TBC1D5: variants seen among roughly 807,000 people sequenced by gnomAD.
TBC1D5 encodes the protein TBC1 domain family, member 5.
TBC1D5 carries 75 observed loss-of-function variants against 100.3 expected under a neutral mutation model. The ratio of observed to expected loss-of-function variants is 0.75; its 90% CI spans 0.62 to 0.91. TBC1D5 has a LOEUF of 0.91. Among genes scored for constraint, TBC1D5 ranks in the 40% least tolerant of loss-of-function variants. The pLI is 0.00. For missense variants in TBC1D5, 910 were observed against 942.4 expected, an observed-to-expected ratio of 0.97 and a Z score of 0.45; for synonymous variants, 323 against 325.6, an observed-to-expected ratio of 0.99 and a Z score of 0.09.
At chr3:17,371,553 T>C (rs776667920) in intron 13 of TBC1D5, among the ~76,000 whole-genome samples, 1 of 152,148 alleles carries the variant, frequency 6.6e-6, no homozygotes, top group Non-Finnish European at 1.5e-5. Flanking sequence ...AAAGGAATAA[T>C]ACCCAATTTA....
chr3:17,379,249 T>C (rs1037248839), intron 9 of TBC1D5, among the ~76,000 whole-genome samples: 6 of 152,052 alleles, frequency 3.9e-5, no homozygotes, highest in Non-Finnish European at 8.8e-5. Context: ...AACATCAGAT[T>C]TTCCAATCCA....
At chr3:17,507,213 T>A (rs949456382) in intron 3 of TBC1D5, among the ~76,000 whole-genome samples, 5 of 152,184 alleles carry the variant, frequency 3.3e-5, no homozygotes, top group African/African-American at 9.7e-5. Context: ...TTATGAGTAT[T>A]ACATTTAAGA....
intron 13 of TBC1D5, among the ~76,000 whole-genome samples, chr3:17,342,582 GCTGA>G (rs543897048): frequency 7.2e-5 from 11 of 152,186 alleles, no homozygotes; most frequent in South Asian, 2.1e-4. Flanking sequence ...TAATGTCAAG[GCTGA>G]CTATTAAAAT....
chr3:17,647,776 G>C (rs1000325587), intron 1 of TBC1D5, among the ~76,000 whole-genome samples: 1 of 152,132 alleles, frequency 6.6e-6, no homozygotes, highest in African/African-American at 2.4e-5. Context: ...TTAGTAGCCT[G>C]ATCTGATAAT....
At chr3:17,410,040 T>A (rs1018267766) in intron 4 of TBC1D5, among the ~76,000 whole-genome samples, 3 of 152,100 alleles carry the variant, frequency 2.0e-5, no homozygotes, top group African/African-American at 7.2e-5. Flanking sequence ...CTTTCATAGC[T>A]AGGGACGAGA....
intron 1 of TBC1D5, among the ~76,000 whole-genome samples, chr3:17,653,145 C>T (rs934744306): frequency 6.6e-6 from 1 of 151,982 alleles, no homozygotes; most frequent in Non-Finnish European, 1.5e-5. Context: ...AGTCAGAACA[C>T]AGACTGGGAG....
rs569026868 is a variant in TBC1D5, at chr3:17,182,879, A to T, written c.1852+2230T>A. Among the ~76,000 whole-genome samples, 36 of 151,474 alleles carry T rather than the reference A, an allele frequency of 2.4e-4. 1 individual carries two copies. In the East Asian group the frequency reaches 2.9e-3, roughly 12 times the overall value. ...AAGAGAATGAGTTGTGTTTTTTTTTAAATTATTATTTTCTTCTTTTCTCTT... is the reference window on the plus strand; with the variant it reads ...AAGAGAATGAGTTGTGTTTTTTTTTTAATTATTATTTTCTTCTTTTCTCTT... On this transcript the variant is annotated intron_variant, in intron 19 of 21. Coordinates refer to ENST00000253692, the Ensembl canonical transcript of TBC1D5.
intron 2 of TBC1D5, among the ~76,000 whole-genome samples, chr3:17,525,288 C>A (rs370012833): frequency 1.3e-5 from 2 of 152,098 alleles, no homozygotes; most frequent in East Asian, 1.9e-4. Context: ...CGCCACCATA[C>A]CCAGCTAATT....
intron 3 of TBC1D5, among the ~76,000 whole-genome samples, chr3:17,470,469 G>A (rs2150114190): frequency 6.6e-6 from 1 of 152,296 alleles, no homozygotes; most frequent in South Asian, 2.1e-4. Context: ...TTGAGAAACA[G>A]AAATGGAAAA....
chr3:17,412,997 G>A (rs573776682), intron 4 of TBC1D5, among the ~76,000 whole-genome samples: 15 of 152,268 alleles, frequency 9.9e-5, no homozygotes, highest in African/African-American at 3.6e-4. Context: ...TAGTTGGACT[G>A]AGAAGATAAG....
intron 17 of TBC1D5, among the ~76,000 whole-genome samples, chr3:17,228,239 G>C (rs1163314146): frequency 3.3e-5 from 5 of 152,134 alleles, no homozygotes; most frequent in Non-Finnish European, 5.9e-5. Flanking sequence ...AGCTAGGATT[G>C]AGTCTGAACT....
intron 7 of TBC1D5, 23 bp from the exon 8 acceptor site, chr3:17,403,271 T>C: frequency 1.3e-6 from 2 of 1,520,986 alleles, no homozygotes; most frequent in Non-Finnish European, 1.8e-6. Context: ...AAACAATCTA[T>C]TATATAGTCT....
At chr3:17,207,174 A>G (rs2125898362) in intron 18 of TBC1D5, among the ~76,000 whole-genome samples, 1 of 152,188 alleles carries the variant, frequency 6.6e-6, no homozygotes, top group African/African-American at 2.4e-5. Flanking sequence ...CTTATACTCT[A>G]TTTTTTGTAT....
In TBC1D5 at chr3:17,211,427, T is replaced by C. The variant is rs77562164; in HGVS notation, c.1752+2780A>G. Among the ~76,000 whole-genome samples the C allele has an allele frequency of 9.2e-3, 1,406 of 152,326 alleles. 18 individuals are homozygous for C. The highest frequency in any genetic ancestry group is 0.031 in the African/African-American group (1,285 of 41,578). Reference sequence around the variant, plus strand: ...CCCTTTTCCAGTAGGGTGGTTCACATTGGAATGTGCCTGATCTCTCAGACC... The same window carrying C: ...CCCTTTTCCAGTAGGGTGGTTCACACTGGAATGTGCCTGATCTCTCAGACC... On this transcript the variant is annotated intron_variant, in intron 18 of 21. Transcript: ENST00000253692.
chr3:17,388,654 G>A (rs1441174778), intron 8 of TBC1D5, among the ~76,000 whole-genome samples: 1 of 146,812 alleles, frequency 6.8e-6, no homozygotes, highest in Non-Finnish European at 1.5e-5. Context: ...TTTGAGACCA[G>A]CTTGGGCAAC....
chr3:17,365,747 G>C (rs960026904), intron 13 of TBC1D5, among the ~76,000 whole-genome samples: 3 of 152,236 alleles, frequency 2.0e-5, no homozygotes, highest in Admixed American at 1.3e-4. Context: ...CTGGGTCTTT[G>C]ATATCTGGTG....
chr3:17,203,844 A>G (rs926693608), intron 18 of TBC1D5, among the ~76,000 whole-genome samples: 2 of 152,222 alleles, frequency 1.3e-5, no homozygotes, highest in Non-Finnish European at 2.9e-5. Flanking sequence ...ACCCAGTCTC[A>G]GGTAGTTCCT....
At chr3:17,669,971 C>T (rs770190297) in intron 1 of TBC1D5, among the ~76,000 whole-genome samples, 4 of 152,160 alleles carry the variant, frequency 2.6e-5, no homozygotes, top group Admixed American at 1.3e-4. Flanking sequence ...CTGCAACCTC[C>T]GCCTCCCGGG....
At chr3:17,507,318 A>T (rs2095854818) in intron 3 of TBC1D5, among the ~76,000 whole-genome samples, 1 of 152,224 alleles carries the variant, frequency 6.6e-6, no homozygotes, top group Non-Finnish European at 1.5e-5. Flanking sequence ...CAAAATATTA[A>T]ACATAAGTCT....
Sources: allele counts gnomAD v4.1 joint callset (sites outside exome capture counted in the v4.1 genomes callset), GRCh38; gene constraint gnomAD v4.1.1; transcripts MANE v1.5; gene names NCBI Gene and HGNC (gene_info 2026-07-23, HGNC 2026-07-21).